TIMM44: variants seen among roughly 807,000 people sequenced by gnomAD.
TIMM44 encodes mitochondrial import inner membrane translocase subunit TIM44.
TIMM44 carries 37 observed loss-of-function variants against 63.8 expected under a neutral mutation model. The ratio of observed to expected loss-of-function variants is 0.58; its 90% confidence interval spans 0.45 to 0.76. The LOEUF (loss-of-function observed/expected upper bound fraction) is 0.76. Ranked by LOEUF, TIMM44 falls within the 30% of genes least tolerant of loss-of-function variation. The probability of loss-of-function intolerance (pLI) is 0.00; values close to 1 mark genes in which losing one functional copy is unlikely to be tolerated. For synonymous variants in TIMM44, 239 were observed against 245.1 expected, an observed-to-expected ratio of 0.98 and a Z score of 0.23; for missense variants, 573 against 603.8, an observed-to-expected ratio of 0.95 and a Z score of 0.54.
At chr19:7,936,361 G>A (rs1167058033) in intron 3 of TIMM44, among the ~76,000 whole-genome samples, 1 of 152,098 alleles carries the variant, frequency 6.6e-6, no homozygotes, top group African/African-American at 2.4e-5. Context: ...TGAGGCAGGA[G>A]AATCGCTTGA....
At chr19:7,930,202 G>C (rs965992393) in intron 10 of TIMM44, among the ~76,000 whole-genome samples, 1 of 151,492 alleles carries the variant, frequency 6.6e-6, no homozygotes. Context: ...GTGCTGTGCT[G>C]CGATGACTCA....
chr19:7,939,288 C>T (rs1442841030), intron 2 of TIMM44, among the ~76,000 whole-genome samples: 1 of 152,076 alleles, frequency 6.6e-6, no homozygotes, highest in Non-Finnish European at 1.5e-5. Flanking sequence ...TTCTGTAAAC[C>T]TAAAACTGCT....
chr19:7,929,264 G>A (rs756793597), intron 10 of TIMM44, among the ~76,000 whole-genome samples: 3 of 152,214 alleles, frequency 2.0e-5, no homozygotes, highest in African/African-American at 4.8e-5. Context: ...CCCCAGGTAC[G>A]CGGTGCTGCT....
At position 7,941,095 on chromosome 19, in the gene TIMM44, C is replaced by T. The variant is rs1356457878; in HGVS notation, c.141+7G>A. The T allele has an allele frequency of 3.1e-6, 5 of 1,612,624 alleles. No homozygotes were observed. In the Admixed American group the frequency reaches 6.7e-5, roughly 22 times the overall value. Reference sequence around the variant, plus strand: ...GTCTGCTGGCCCGAGCATCCTGAGTCACTCACCAGTGGCAGCTCTCCGCCC... The same window carrying T: ...GTCTGCTGGCCCGAGCATCCTGAGTTACTCACCAGTGGCAGCTCTCCGCCC... On this transcript the variant is annotated splice_region_variant and intron_variant, in intron 2 of 12. Transcript: ENST00000270538.
In TIMM44 at chr19:7,934,356, G is replaced by A; in HGVS notation, c.394-118C>T. On this transcript the variant is annotated intron_variant, in intron 4 of 12. Transcript: ENST00000270538. This position sits in a 1 kb window ranked among gnomAD's most constrained non-coding sequence, Gnocchi z 5.3. ...CGGATCTGGTTCCCCGAGGCCGGCA[G>A]AGGCCTTCTGTGCTCCTGTGGTACG... 1 of 1,367,474 alleles carries A rather than the reference G, an allele frequency of 7.3e-7. No homozygotes were observed. Among genetic ancestry groups the A allele is most frequent in the African/African-American group, 1.4e-5 (1 of 70,242 alleles). The allele number at this position is 1,367,474 out of a possible 1,614,324, so 84.7% of individuals were successfully genotyped here.
chr19:7,940,263 C>T (rs1196452573), intron 2 of TIMM44, among the ~76,000 whole-genome samples: 1 of 152,036 alleles, frequency 6.6e-6, no homozygotes, highest in African/African-American at 2.4e-5. Flanking sequence ...TGCTGCTCCC[C>T]AGGACAGGTG....
At chr19:7,928,279 T>C (rs1222821706) in intron 10 of TIMM44, 113 bp from the exon 11 acceptor site, 3 of 891,840 alleles carry the variant, frequency 3.4e-6, no homozygotes, top group Non-Finnish European at 5.3e-6. Context: ...CAGCCAGCAA[T>C]GGCAGAGGCC....
intron 3 of TIMM44, among the ~76,000 whole-genome samples, chr19:7,936,742 C>A (rs1984165318): frequency 6.6e-6 from 1 of 151,972 alleles, no homozygotes; most frequent in African/African-American, 2.4e-5. Context: ...CTGAGACGGG[C>A]AGATCACTTG....
At chr19:7,935,167 C>CTTTTTTTTT in intron 3 of TIMM44, 22 bp from the exon 4 acceptor site, 1 of 1,254,042 alleles carries the variant, frequency 8.0e-7, no homozygotes, top group South Asian at 1.4e-5. Flanking sequence ...GCGCTGTGTC[C>CTTTTTTTTT]TTTTTTTTTT....
In TIMM44 at chr19:7,932,588, C is replaced by G. The variant is rs62123061; in HGVS notation, c.987+39G>C. On this transcript the variant is annotated intron_variant, in intron 9 of 12. Coordinates refer to ENST00000270538, the MANE Select transcript of TIMM44 (RefSeq NM_006351.4). ...GGCGGGGGAGGTGGTGGAGCCAGGA[C>G]CTGCCGCCTGGGAGGGGTCCTGGGG... 6 of 1,608,336 alleles carry G rather than the reference C, an allele frequency of 3.7e-6. No individual in the cohort carries two copies. The East Asian group carries it at 1.3e-4, about 36-fold the overall frequency.
rs372177603 is a variant in TIMM44, at chr19:7,927,240, C to T, written c.1306G>A (p.Ala436Thr). The T allele has an allele frequency of 1.2e-5, 20 of 1,612,374 alleles. No homozygotes were observed. In the African/African-American group the frequency reaches 2.3e-4, roughly 18 times the overall value. The change falls in exon 13 of 13, where the codon GCG (alanine) becomes ACG (threonine). Residue 436 changes from alanine (A) to threonine (T), a missense_variant. Coordinates refer to ENST00000270538, the MANE Select transcript of TIMM44 (RefSeq NM_006351.4). ...GAGATGTCCAGGAGCCGCCAGGCCG[C>T]GTAGGGGTTGAGCTCGTCCTGGTCT... ...CRDQDELNPY[A>T]AWRLLDISAS...
chr19:7,938,201 G>A lies in TIMM44; in HGVS notation c.142-4C>T, dbSNP rs1484505492. 1 of 1,611,132 alleles carries A rather than the reference G, an allele frequency of 6.2e-7. No homozygotes were observed. The highest frequency in any genetic ancestry group is 8.5e-7 in the Non-Finnish European group (1 of 1,179,030). ...TTCCAGAAGAATATGATTTGGACTA[G>A]AAAGAATGTACAAGAAAAAAAATTT... On this transcript the variant is annotated splice_polypyrimidine_tract_variant and splice_region_variant and intron_variant, in intron 2 of 12. Coordinates refer to ENST00000270538, the MANE Select transcript of TIMM44 (RefSeq NM_006351.4).
At position 7,942,557 on chromosome 19, in the gene TIMM44, T is replaced by C. The variant is rs537526968; in HGVS notation, c.45+1050A>G. On this transcript the variant is annotated intron_variant, in intron 1 of 12. Coordinates refer to ENST00000270538, the MANE Select transcript of TIMM44 (RefSeq NM_006351.4). ...ACTTCTCCACCATTTCCACATTTCCTGGGCCGTTTTTCTCTCTGTTCTCTG... is the reference window on the plus strand; with the variant it reads ...ACTTCTCCACCATTTCCACATTTCCCGGGCCGTTTTTCTCTCTGTTCTCTG... Among the ~76,000 whole-genome samples, 4 of 152,248 alleles carry C rather than the reference T, an allele frequency of 2.6e-5. No individual in the cohort carries two copies. In the South Asian group the frequency reaches 8.3e-4, roughly 32 times the overall value.
rs966400013 is a variant in TIMM44 at position 7,934,546 on chromosome 19, G to A, written c.394-308C>T. On this transcript the variant is annotated intron_variant, in intron 4 of 12. Transcript: ENST00000270538. The surrounding 1 kb of genome is among the most constrained non-coding windows in gnomAD (Gnocchi z 5.3). ...TTCCGGGATGCTGGCCCTGGGCTCT[G>A]GGTGAGACGCTGGGTCTGCTGGCCC... Among the ~76,000 whole-genome samples the A allele has an allele frequency of 1.3e-5, 2 of 152,114 alleles. No individual in the cohort carries two copies. The highest frequency in any genetic ancestry group is 4.8e-5 in the African/African-American group (2 of 41,420).
In TIMM44 at chr19:7,934,034, G is replaced by A. The variant is rs541859857; in HGVS notation, c.544-31C>T. 1.4e-5 allele frequency: 22 copies of A among 1,613,458 alleles called. No individual in the cohort carries two copies. Among genetic ancestry groups the A allele is most frequent in the Non-Finnish European group, 1.8e-5 (21 of 1,179,990 alleles). On this transcript the variant is annotated intron_variant, in intron 5 of 12. Coordinates refer to ENST00000270538, the MANE Select transcript of TIMM44 (RefSeq NM_006351.4). The surrounding 1 kb of genome is among the most constrained non-coding windows in gnomAD (Gnocchi z 5.3). ...AGGGAGGCACAGCGGGGCTGGGGTGGGTGTCTGGGTTCGGCCGCCCCAGGC... is the reference window on the plus strand; with the variant it reads ...AGGGAGGCACAGCGGGGCTGGGGTGAGTGTCTGGGTTCGGCCGCCCCAGGC...
In TIMM44 at chr19:7,926,849, G is replaced by C; in HGVS notation, c.*338C>G. 2.8e-6 allele frequency: 1 copy of C among 359,996 alleles called. No individual in the cohort carries two copies. The highest frequency in any genetic ancestry group is 5.3e-6 in the Non-Finnish European group (1 of 188,342). The allele number at this position is 359,996 out of a possible 1,614,324, so 22.3% of individuals were successfully genotyped here. On this transcript the variant is annotated 3_prime_UTR_variant, in exon 13 of 13. Transcript: ENST00000270538. ...CGTGGCTAGCGGGCCACTGAGCCGCGGGTCCCGGGTCCCACCCTGCTGTGG... is the reference window on the plus strand; with the variant it reads ...CGTGGCTAGCGGGCCACTGAGCCGCCGGTCCCGGGTCCCACCCTGCTGTGG...
chr19:7,943,489 G>T lies in TIMM44; in HGVS notation c.45+118C>A. The stretch of plus-strand genomic sequence containing the variant: ...CTGCTACCCAAAGATCTAACCCCAA[G>T]CTTTCTAAGGAGCCCAAGCAAGGGT... On this transcript the variant is annotated intron_variant, in intron 1 of 12. Transcript: ENST00000270538. This position sits in a 1 kb window ranked among gnomAD's most constrained non-coding sequence, Gnocchi z 4.3. The T allele has an allele frequency of 8.1e-7, 1 of 1,230,418 alleles. No homozygotes were observed. Among genetic ancestry groups the T allele is most frequent in the Non-Finnish European group, 1.1e-6 (1 of 869,962 alleles). The allele number at this position is 1,230,418 out of a possible 1,614,324, so 76.2% of individuals were successfully genotyped here.
intron 2 of TIMM44, among the ~76,000 whole-genome samples, chr19:7,939,437 C>T (rs1470832405): frequency 8.1e-6 from 1 of 124,010 alleles, no homozygotes; most frequent in Non-Finnish European, 1.7e-5. Flanking sequence ...CATAGTGAAA[C>T]CCCCGTCTCT....
At chr19:7,927,362 T>G in intron 12 of TIMM44, 56 bp from the exon 13 acceptor site, 1 of 1,566,806 alleles carries the variant, frequency 6.4e-7, no homozygotes, top group Non-Finnish European at 8.7e-7. Flanking sequence ...CCCAGGCAGC[T>G]CTGGGGGGGG....
Sources: gnomAD v4.1 joint callset for allele counts (sites outside exome capture counted in the v4.1 genomes callset) on GRCh38, gnomAD v4.1.1 for gene constraint, Gnocchi (gnomAD v3.1) non-coding constraint, MANE v1.5 for transcripts, NCBI Gene and HGNC (gene_info 2026-07-23, HGNC 2026-07-21) for gene names.